REDIC1: variants seen among roughly 807,000 people sequenced by gnomAD.
The protein encoded by REDIC1 is regulator of DNA class I crossover intermediates 1.
chr12:39,660,373 TG>T, the REDIC1 span, among the ~76,000 whole-genome samples: 1 of 152,176 alleles, frequency 6.6e-6, no homozygotes, highest in African/African-American at 2.4e-5. Flanking sequence ...GTGGCTTGAA[TG>T]TTCTCTCCAG....
the REDIC1 span, among the ~76,000 whole-genome samples, chr12:39,765,173 G>A: frequency 6.6e-6 from 1 of 152,078 alleles, no homozygotes; most frequent in African/African-American, 2.4e-5. Flanking sequence ...GTATGTGGCA[G>A]TGAAAAGACC....
the REDIC1 span, among the ~76,000 whole-genome samples, chr12:39,685,540 C>G: frequency 6.6e-6 from 1 of 152,122 alleles, no homozygotes; most frequent in South Asian, 2.1e-4. Context: ...CTGCTATGAT[C>G]CAGTCACCTC....
the REDIC1 span, among the ~76,000 whole-genome samples, chr12:39,708,026 G>C: frequency 6.6e-6 from 1 of 151,754 alleles, no homozygotes; most frequent in Non-Finnish European, 1.5e-5. Context: ...TAGTTGTGGG[G>C]TTGGGAGGGT....
chr12:39,856,192 A>G, the REDIC1 span, among the ~76,000 whole-genome samples: 1 of 152,072 alleles, frequency 6.6e-6, no homozygotes, highest in Non-Finnish European at 1.5e-5. Flanking sequence ...AGTCAGCACC[A>G]TCTACCTTCT....
At chr12:39,803,482 T>TA in the REDIC1 span, among the ~76,000 whole-genome samples, 1 of 151,868 alleles carries the variant, frequency 6.6e-6, no homozygotes, top group Non-Finnish European at 1.5e-5. Context: ...TGTAAAAAAT[T>TA]AAAAAATAGC....
At chr12:39,878,227 C>T in the REDIC1 span, among the ~76,000 whole-genome samples, 1 of 152,008 alleles carries the variant, frequency 6.6e-6, no homozygotes, top group Non-Finnish European at 1.5e-5. Flanking sequence ...AAGTTGATAC[C>T]AGGGGTGAAG....
At chr12:39,747,491 G>GA in the REDIC1 span, among the ~76,000 whole-genome samples, 4 of 152,194 alleles carry the variant, frequency 2.6e-5, no homozygotes, top group African/African-American at 9.6e-5. Flanking sequence ...AACCAAGTTG[G>GA]AAAACACTCT....
At chr12:39,678,502 C>A in the REDIC1 span, among the ~76,000 whole-genome samples, 2 of 151,732 alleles carry the variant, frequency 1.3e-5, no homozygotes, top group South Asian at 2.1e-4. Context: ...TGAATTTTAT[C>A]AGCCATTCAA....
the REDIC1 span, among the ~76,000 whole-genome samples, chr12:39,809,947 G>T: frequency 6.6e-6 from 1 of 152,146 alleles, no homozygotes; most frequent in Admixed American, 6.5e-5. Context: ...TTGCTATTGT[G>T]AATAGTGCCG....
the REDIC1 span, among the ~76,000 whole-genome samples, chr12:39,653,288 A>G: frequency 6.6e-6 from 1 of 151,846 alleles, no homozygotes; most frequent in African/African-American, 2.4e-5. Context: ...GCTTTCGTAA[A>G]TGGAATTACT....
the REDIC1 span, among the ~76,000 whole-genome samples, chr12:39,813,373 A>G: frequency 1.4e-4 from 21 of 152,268 alleles, no homozygotes; most frequent in Admixed American, 7.2e-4. Flanking sequence ...GGATGTACCC[A>G]TAACAAACTT....
chr12:39,696,537 T>C, the REDIC1 span, among the ~76,000 whole-genome samples: 10 of 53,328 alleles, frequency 1.9e-4, no homozygotes, highest in East Asian at 2.0e-3. Context: ...AGCGAGACTC[T>C]GTCTCAAAAA....
At chr12:39,713,003 GTA>G in the REDIC1 span, among the ~76,000 whole-genome samples, 2 of 137,914 alleles carry the variant, frequency 1.5e-5, no homozygotes, top group African/African-American at 2.8e-5. Context: ...ACGTGTATAT[GTA>G]TATATACATG....
the REDIC1 span, among the ~76,000 whole-genome samples, chr12:39,903,935 T>A: frequency 6.6e-6 from 1 of 152,078 alleles, no homozygotes; most frequent in Non-Finnish European, 1.5e-5. Context: ...ATATTTGGAC[T>A]AAAGAACAAC....
chr12:39,903,317 C>G, the REDIC1 span, among the ~76,000 whole-genome samples: 1 of 152,064 alleles, frequency 6.6e-6, no homozygotes, highest in Non-Finnish European at 1.5e-5. Context: ...GACAGATTAG[C>G]TATTTCAGGA....
chr12:39,886,026 T>A, the REDIC1 span, among the ~76,000 whole-genome samples: 1 of 152,330 alleles, frequency 6.6e-6, no homozygotes, highest in East Asian at 1.9e-4. Flanking sequence ...AAGGTTTCTT[T>A]TACTTTACTG....
At chr12:39,719,901 A>T in the REDIC1 span, among the ~76,000 whole-genome samples, 1,219 of 152,244 alleles carry the variant, frequency 8.0e-3, 16 homozygotes, top group African/African-American at 0.028. Context: ...CCATTTTAAG[A>T]CGTATCTACT....
chr12:39,843,385 C>T, the REDIC1 span, among the ~76,000 whole-genome samples: 821 of 152,098 alleles, frequency 5.4e-3, 6 homozygotes, highest in African/African-American at 0.019. Flanking sequence ...ATACTTCTTA[C>T]AGTAGTGATC....
chr12:39,833,093 C>T, the REDIC1 span, among the ~76,000 whole-genome samples: 2 of 152,094 alleles, frequency 1.3e-5, no homozygotes, highest in African/African-American at 4.8e-5. Flanking sequence ...GACCTGGCAT[C>T]AGCAAACTAC....
Sources: allele counts gnomAD v4.1 joint callset (sites outside exome capture counted in the v4.1 genomes callset), GRCh38; gene constraint gnomAD v4.1.1; transcripts MANE v1.5; gene names NCBI Gene and HGNC (gene_info 2026-07-23, HGNC 2026-07-21).